The following ALG9 variants were observed in gnomAD, a reference collection of about 807,000 sequenced individuals.
ALG9 encodes ALG9 alpha-1,2-mannosyltransferase.
In ALG9, 55 loss-of-function variants were observed where a neutral mutation model predicts 81.8. The observed-to-expected ratio is 0.67, with a 90% CI of 0.54 to 0.84. The LOEUF (loss-of-function observed/expected upper bound fraction) is 0.84. Among genes scored for constraint, ALG9 ranks in the 40% least tolerant of loss-of-function variants. The pLI is 0.00. For missense variants in ALG9, 629 were observed against 745.0 expected (o/e 0.84, Z 1.81); for synonymous variants, 278 against 274.3 (o/e 1.01, Z -0.13).
chr11:111,789,919 C>CA lies in ALG9; in HGVS notation c.1734-3400dup, dbSNP rs553610514. ...TCCTGGTAGGCTGATAGATCATGTT[C>CA]AAAAAAATTTTCTGGTAATTTCAGA... On this transcript the variant is annotated intron_variant, in intron 14 of 14. Coordinates refer to ENST00000616540, the MANE Select transcript of ALG9 (RefSeq NM_024740.2). Among the ~76,000 whole-genome samples the CA allele has an allele frequency of 2.7e-4, 40 of 150,462 alleles. No individual in the cohort carries two copies. The East Asian group carries it at 5.7e-3, about 21-fold the overall frequency.
At chr11:111,798,462 C>G (rs1049669248) in intron 14 of ALG9, among the ~76,000 whole-genome samples, 3 of 152,184 alleles carry the variant, frequency 2.0e-5, no homozygotes, top group African/African-American at 7.2e-5. Context: ...CTTAGATAGG[C>G]ACCCACCACT....
intron 1 of ALG9, chr11:111,870,981 G>C: frequency 5.9e-6 from 6 of 1,022,656 alleles, no homozygotes; most frequent in Non-Finnish European, 5.8e-6. Flanking sequence ...TGGCGGGTTG[G>C]ATGGGCCCAG....
chr11:111,826,020 C>T (rs1285431510), intron 13 of ALG9, among the ~76,000 whole-genome samples: 2 of 150,598 alleles, frequency 1.3e-5, no homozygotes, highest in African/African-American at 2.4e-5. Flanking sequence ...GAGCCGAGAT[C>T]GCACCACTGC....
At chr11:111,864,382 T>G (rs1420176173) in intron 4 of ALG9, 5 of 765,462 alleles carry the variant, frequency 6.5e-6, no homozygotes, top group Non-Finnish European at 1.2e-5. Context: ...TGCAGAATGT[T>G]CAACATGACC....
chr11:111,861,444 T>C (rs1187852082), intron 4 of ALG9, among the ~76,000 whole-genome samples: 1 of 152,216 alleles, frequency 6.6e-6, no homozygotes, highest in Non-Finnish European at 1.5e-5. Flanking sequence ...TTTTGGTTGG[T>C]TGGTTTCCTT....
At chr11:111,870,410 T>C in intron 1 of ALG9, 40 bp from the exon 2 acceptor site, 3 of 1,448,356 alleles carry the variant, frequency 2.1e-6, no homozygotes, top group Non-Finnish European at 2.7e-6. Context: ...AAAAAGCATG[T>C]CAGGAAGGAC....
intron 9 of ALG9, 144 bp downstream of exon 9, chr11:111,844,457 A>T (rs1005459185): frequency 2.4e-6 from 3 of 1,228,238 alleles, no homozygotes; most frequent in Non-Finnish European, 3.5e-6. Context: ...GGATCAACAA[A>T]CACAGACTGA....
intron 14 of ALG9, among the ~76,000 whole-genome samples, chr11:111,788,847 T>A (rs1946901510): frequency 6.6e-6 from 1 of 152,112 alleles, no homozygotes. Context: ...CAAACTCCTA[T>A]AAGCTTTAGT....
chr11:111,824,439 A>T (rs1375029517), intron 13 of ALG9, among the ~76,000 whole-genome samples: 1 of 152,158 alleles, frequency 6.6e-6, no homozygotes, highest in Non-Finnish European at 1.5e-5. Context: ...TTAAAAGGGG[A>T]CCAGAGGAAG....
intron 8 of ALG9, among the ~76,000 whole-genome samples, chr11:111,846,286 T>C (rs1956934558): frequency 6.6e-6 from 1 of 152,170 alleles, no homozygotes; most frequent in African/African-American, 2.4e-5. Flanking sequence ...AATCTGAGCT[T>C]GTGAAGAAAA....
At chr11:111,857,159 C>T (rs1467641020) in intron 6 of ALG9, among the ~76,000 whole-genome samples, 1 of 152,072 alleles carries the variant, frequency 6.6e-6, no homozygotes, top group Admixed American at 6.6e-5. Context: ...GGAGGAAACT[C>T]AGATTTCAAA....
intron 14 of ALG9, among the ~76,000 whole-genome samples, chr11:111,797,160 G>T (rs782214933): frequency 2.0e-5 from 3 of 152,244 alleles, no homozygotes; most frequent in Admixed American, 6.5e-5. Flanking sequence ...AACAGGGGAA[G>T]TCTACTTCTT....
chr11:111,817,741 TGAAGAAA>T (rs373650178), intron 13 of ALG9, among the ~76,000 whole-genome samples: 79 of 151,698 alleles, frequency 5.2e-4, no homozygotes, highest in African/African-American at 1.8e-3. Flanking sequence ...GCAGTGGGAA[TGAAGAAA>T]GAAGAAAGGA....
intron 14 of ALG9, among the ~76,000 whole-genome samples, chr11:111,799,879 T>C (rs1948854627): frequency 6.6e-6 from 1 of 152,196 alleles, no homozygotes; most frequent in Non-Finnish European, 1.5e-5. Flanking sequence ...ACAGGCATTT[T>C]ATATCTTTCC....
intron 13 of ALG9, among the ~76,000 whole-genome samples, chr11:111,821,057 T>C (rs1161339168): frequency 1.3e-5 from 2 of 152,070 alleles, no homozygotes; most frequent in Non-Finnish European, 2.9e-5. Flanking sequence ...GATTGCACAA[T>C]TGCACTCCAG....
chr11:111,871,315 G>A, intron 1 of ALG9, 37 bp downstream of exon 1: 1 of 1,385,724 alleles, frequency 7.2e-7, no homozygotes, highest in South Asian at 1.7e-5. Context: ...GAACCGCCCC[G>A]CCGGCCGGCC....
chr11:111,856,701 A>AAT (rs1958747617), intron 6 of ALG9, among the ~76,000 whole-genome samples: 1 of 151,990 alleles, frequency 6.6e-6, no homozygotes. Context: ...TATTTTCCTA[A>AAT]ATTACCTGTG....
At chr11:111,792,704 C>G (rs1947614776) in intron 14 of ALG9, among the ~76,000 whole-genome samples, 2 of 152,136 alleles carry the variant, frequency 1.3e-5, no homozygotes, top group African/African-American at 4.8e-5. Context: ...GGAGGCATTT[C>G]TAGTTAAGAC....
intron 4 of ALG9, among the ~76,000 whole-genome samples, chr11:111,862,856 C>T (rs1960822914): frequency 6.6e-6 from 1 of 151,880 alleles, no homozygotes; most frequent in African/African-American, 2.4e-5. Context: ...TCCTATTTCC[C>T]AATAAATGAA....
Sources: gnomAD v4.1 joint callset for allele counts (sites outside exome capture counted in the v4.1 genomes callset) on GRCh38, gnomAD v4.1.1 for gene constraint, MANE v1.5 for transcripts, NCBI Gene and HGNC (gene_info 2026-07-23, HGNC 2026-07-21) for gene names.